The following MID1 variants were observed in gnomAD, a reference collection of about 807,000 sequenced individuals.
MID1 encodes the protein E3 ubiquitin-protein ligase Midline-1.
In MID1, 7 loss-of-function variants were observed where a neutral mutation model predicts 40.4. That is an observed-to-expected ratio of 0.17 (90% CI 0.10 to 0.33). The LOEUF is 0.33. Ranked by LOEUF, MID1 falls within the 10% of genes least tolerant of loss-of-function variation. MID1 has a pLI of 1.00. For missense variants in MID1, 367 were observed against 558.5 expected, an observed-to-expected ratio of 0.66 and a Z score of 3.46; for synonymous variants, 229 against 221.2, an observed-to-expected ratio of 1.04 and a Z score of -0.31.
chrX:10,452,290 A>G (rs751411103), intron 9 of MID1, among the ~76,000 whole-genome samples: 3 of 112,050 alleles, frequency 2.7e-5, no homozygotes, highest in African/African-American at 6.5e-5. Flanking sequence ...AGTTAACACC[A>G]TTTCATAAAA....
intron 1 of MID1, among the ~76,000 whole-genome samples, chrX:10,591,165 G>C (rs189879672): frequency 8.9e-6 from 1 of 112,428 alleles, no homozygotes; most frequent in African/African-American, 3.2e-5. Flanking sequence ...CTATATTAAA[G>C]TGAAGTTATA....
chrX:10,670,732 A>G (rs2042982674), intron 1 of MID1, among the ~76,000 whole-genome samples: 1 of 112,431 alleles, frequency 8.9e-6, no homozygotes, highest in South Asian at 3.7e-4. Context: ...TCACCCTGCC[A>G]TTATTTTATA....
chrX:10,675,834 T>C (rs2043019766), intron 1 of MID1, among the ~76,000 whole-genome samples: 1 of 111,737 alleles, frequency 8.9e-6, no homozygotes, highest in Non-Finnish European at 1.9e-5. Context: ...AGGAAACGTG[T>C]ACCTATTCTT....
chrX:10,571,354 T>C (rs765559403), intron 1 of MID1, among the ~76,000 whole-genome samples: 1 of 112,284 alleles, frequency 8.9e-6, no homozygotes, highest in Admixed American at 9.4e-5. Context: ...ATGGCATAGA[T>C]AGCATTTTTG....
chrX:10,700,039 C>A (rs1256129132), intron 1 of MID1, among the ~76,000 whole-genome samples: 1 of 110,257 alleles, frequency 9.1e-6, no homozygotes, highest in East Asian at 2.9e-4. Flanking sequence ...TCAGGCTGGT[C>A]TCGAACTCCC....
In MID1 at chrX:10,630,300, T is replaced by C. The variant is rs936284803; in HGVS notation, c.-186-9881A>G. 1.7e-4 allele frequency among the ~76,000 whole-genome samples: 19 copies of C among 111,394 alleles called. No homozygotes were observed. The Middle Eastern group carries it at 0.014, about 81-fold the overall frequency. The stretch of plus-strand genomic sequence containing the variant: ...GTGTCAATGGGATGAGGAGTTTCTA[T>C]ATTTTATAGGGTGATATTTTAGCAA... On this transcript the variant is annotated intron_variant, in intron 1 of 10. Transcript: ENST00000380785.
At chrX:10,772,951 A>G (rs2147127813) in intron 1 of MID1, among the ~76,000 whole-genome samples, 1 of 111,319 alleles carries the variant, frequency 9.0e-6, no homozygotes, top group East Asian at 2.8e-4. Context: ...GTGGTAGCTC[A>G]TCTTTAAAAT....
chrX:10,636,785 GATATATAT>G (rs60188235), intron 1 of MID1, among the ~76,000 whole-genome samples: 649 of 42,686 alleles, frequency 0.015, 20 homozygotes, highest in Non-Finnish European at 0.017. Context: ...CAACAATGGG[GATATATAT>G]ATATATATAT....
At chrX:10,802,165 A>G (rs2044012627) in intron 1 of MID1, among the ~76,000 whole-genome samples, 1 of 111,841 alleles carries the variant, frequency 8.9e-6, no homozygotes, top group Non-Finnish European at 1.9e-5. Flanking sequence ...CTGGCGAAAG[A>G]GCAAGACTCC....
At chrX:10,593,881 A>C (rs1417582982) in intron 1 of MID1, among the ~76,000 whole-genome samples, 1 of 110,321 alleles carries the variant, frequency 9.1e-6, no homozygotes, top group Non-Finnish European at 1.9e-5. Context: ...TTTATTTTGA[A>C]ATCTTTTATA....
intron 3 of MID1, chrX:10,506,083 A>G (rs938748853): frequency 8.8e-6 from 7 of 798,835 alleles, no homozygotes; most frequent in South Asian, 6.3e-5. Flanking sequence ...AGTGATATCT[A>G]TGAAATATCT....
rs181620598 is a variant in MID1, at chrX:10,483,758, T to A, written c.865-1130A>T. ...TTCTTTCTCCAAGTCGTCATTACCATCCCTGTATAACTCTAATCTAAGAAA... is the reference window on the plus strand; with the variant it reads ...TTCTTTCTCCAAGTCGTCATTACCAACCCTGTATAACTCTAATCTAAGAAA... On this transcript the variant is annotated intron_variant, in intron 4 of 9. Coordinates refer to ENST00000317552, the MANE Select transcript of MID1 (RefSeq NM_000381.4). Among the ~76,000 whole-genome samples, 13 of 112,194 alleles carry A rather than the reference T, an allele frequency of 1.2e-4. No individual in the cohort carries two copies. In the East Asian group the frequency reaches 3.4e-3, roughly 29 times the overall value.
intron 1 of MID1, among the ~76,000 whole-genome samples, chrX:10,731,476 G>A (rs2043448277): frequency 8.9e-6 from 1 of 111,883 alleles, no homozygotes; most frequent in Non-Finnish European, 1.9e-5. Flanking sequence ...AATATCGGCA[G>A]AAACAAATCA....
At chrX:10,552,432 C>T (rs1444333201) in intron 2 of MID1, among the ~76,000 whole-genome samples, 4 of 110,822 alleles carry the variant, frequency 3.6e-5, no homozygotes, top group Non-Finnish European at 7.5e-5. Flanking sequence ...ATGCTCAACT[C>T]TCTGATATAA....
At chrX:10,710,212 C>T (rs1178575449) in intron 1 of MID1, among the ~76,000 whole-genome samples, 1 of 111,092 alleles carries the variant, frequency 9.0e-6, no homozygotes, top group Non-Finnish European at 1.9e-5. Flanking sequence ...AGGAGGCAGC[C>T]AAAGCCCTCT....
intron 2 of MID1, among the ~76,000 whole-genome samples, chrX:10,552,013 C>T (rs1933928175): frequency 9.1e-6 from 1 of 110,252 alleles, no homozygotes; most frequent in Non-Finnish European, 1.9e-5. Flanking sequence ...TGGTGTTGAA[C>T]TCCTGGGCTC....
intron 2 of MID1, among the ~76,000 whole-genome samples, chrX:10,529,826 G>T (rs1289314712): frequency 8.9e-6 from 1 of 111,781 alleles, no homozygotes; most frequent in Non-Finnish European, 1.9e-5. Context: ...CCTTCCCACC[G>T]TACACCCTTA....
intron 1 of MID1, among the ~76,000 whole-genome samples, chrX:10,724,524 T>C (rs1017220735): frequency 7.1e-5 from 8 of 111,911 alleles, no homozygotes; most frequent in African/African-American, 9.8e-5. Flanking sequence ...CAGCTGACTA[T>C]AGTAATTCAA....
At chrX:10,823,057 G>C (rs2044187728) in intron 1 of MID1, among the ~76,000 whole-genome samples, 1 of 111,580 alleles carries the variant, frequency 9.0e-6, no homozygotes, top group Admixed American at 9.5e-5. Context: ...CAATAGCAAA[G>C]ACATGGAATC....
Sources: allele counts gnomAD v4.1 joint callset (sites outside exome capture counted in the v4.1 genomes callset), GRCh38; gene constraint gnomAD v4.1.1; transcripts MANE v1.5; gene names NCBI Gene and HGNC (gene_info 2026-07-23, HGNC 2026-07-21).